MALRD1: variants seen among roughly 807,000 people sequenced by gnomAD.
MALRD1 encodes the protein MAM and LDL-receptor class A domain-containing protein 1.
A neutral mutation model predicts 242.1 loss-of-function variants in MALRD1; 247 were observed. That is an observed-to-expected ratio of 1.02 (90% CI 0.92 to 1.13). The LOEUF is 1.13. MALRD1 is among the 50% of genes most tolerant of loss of function. The pLI, the probability that MALRD1 is intolerant of heterozygous loss-of-function variation, is 0.00. For synonymous variants in MALRD1, 995 were observed against 866.6 expected (o/e 1.15, Z -2.60); for missense variants, 2,989 against 2,533.1 (o/e 1.18, Z -3.86).
intron 38 of MALRD1, among the ~76,000 whole-genome samples, chr10:19,724,355 A>G (rs1191809283): frequency 3.3e-5 from 5 of 152,198 alleles, no homozygotes; most frequent in Non-Finnish European, 7.4e-5. Context: ...AATAGAAAAC[A>G]CTCACTGAAA....
chr10:19,281,780 T>C (rs536131353), intron 20 of MALRD1, among the ~76,000 whole-genome samples: 16 of 152,204 alleles, frequency 1.1e-4, no homozygotes, highest in Middle Eastern at 3.4e-3. Context: ...GAGACCAGCT[T>C]GGCCAACATG....
intron 26 of MALRD1, among the ~76,000 whole-genome samples, chr10:19,386,800 G>T (rs910273536): frequency 2.0e-5 from 3 of 151,560 alleles, no homozygotes; most frequent in African/African-American, 7.3e-5. Context: ...TCTCTTTTGA[G>T]CTAAGGAAAC....
At chr10:19,485,924 T>C (rs1435970228) in intron 29 of MALRD1, among the ~76,000 whole-genome samples, 1 of 152,154 alleles carries the variant, frequency 6.6e-6, no homozygotes, top group East Asian at 1.9e-4. Flanking sequence ...GTTTTCATTA[T>C]ATTTTATAGA....
rs541524851 is a variant in MALRD1, at chr10:19,422,578, A to G, written c.4846-27729A>G. On this transcript the variant is annotated intron_variant, in intron 28 of 39. Transcript: ENST00000454679. Reference sequence around the variant, plus strand: ...CCCCAGAGATACAGATTTAGAGTGAAATTGAACAAATGAGAATTGCATTTT... The same window carrying G: ...CCCCAGAGATACAGATTTAGAGTGAGATTGAACAAATGAGAATTGCATTTT... 9.2e-5 allele frequency among the ~76,000 whole-genome samples: 14 copies of G among 152,304 alleles called. No individual in the cohort carries two copies. In the East Asian group the frequency reaches 1.7e-3, roughly 19 times the overall value.
At chr10:19,637,833 G>T (rs1840205516) in intron 36 of MALRD1, among the ~76,000 whole-genome samples, 1 of 152,050 alleles carries the variant, frequency 6.6e-6, no homozygotes, top group Admixed American at 6.6e-5. Context: ...AGATACGGTG[G>T]TTCATGTCTG....
chr10:19,624,072 T>C (rs1025149966), intron 36 of MALRD1, among the ~76,000 whole-genome samples: 2 of 152,144 alleles, frequency 1.3e-5, no homozygotes, highest in Admixed American at 6.5e-5. Context: ...CTAATGCGAA[T>C]TGGTGTAATT....
chr10:19,377,570 T>C (rs985409016), intron 26 of MALRD1, among the ~76,000 whole-genome samples: 3 of 152,064 alleles, frequency 2.0e-5, no homozygotes, highest in African/African-American at 7.2e-5. Flanking sequence ...GTTGTGAAGA[T>C]TGAATAAGAT....
In MALRD1 at chr10:19,323,936, A is replaced by C; in HGVS notation, c.3420-13A>C. On this transcript the variant is annotated splice_polypyrimidine_tract_variant and intron_variant, in intron 21 of 39. Coordinates refer to ENST00000454679, the MANE Select transcript of MALRD1 (RefSeq NM_001142308.3). ...TCTTATTCCTTTTATAATATGATAA[A>C]TTCCTTTTCCAGAAATACCACTGAT... The C allele has an allele frequency of 6.5e-7, 1 of 1,550,184 alleles. No homozygotes were observed. Among genetic ancestry groups the C allele is most frequent in the Non-Finnish European group, 8.7e-7 (1 of 1,146,544 alleles).
At chr10:19,054,469 T>C (rs181996683) in intron 1 of MALRD1, among the ~76,000 whole-genome samples, 1 of 152,294 alleles carries the variant, frequency 6.6e-6, no homozygotes, top group East Asian at 1.9e-4. Context: ...TACATTAATA[T>C]TGACTGTAGT....
At chr10:19,278,285 A>G (rs1386966509) in intron 19 of MALRD1, among the ~76,000 whole-genome samples, 1 of 152,212 alleles carries the variant, frequency 6.6e-6, no homozygotes, top group African/African-American at 2.4e-5. Context: ...ACCTGGCAAG[A>G]TGAGCTCATC....
chr10:19,544,390 G>A (rs3844355), intron 32 of MALRD1, among the ~76,000 whole-genome samples: 119,979 of 151,768 alleles, frequency 0.79, 47,959 homozygotes, highest in Non-Finnish European at 0.85. Context: ...ATTTCACCGT[G>A]TTGGCCAGGC....
At chr10:19,550,615 A>G (rs1405585894) in intron 32 of MALRD1, among the ~76,000 whole-genome samples, 2 of 152,050 alleles carry the variant, frequency 1.3e-5, no homozygotes, top group African/African-American at 2.4e-5. Context: ...CTGTTCCAGC[A>G]TTAGTTTCCT....
intron 19 of MALRD1, among the ~76,000 whole-genome samples, chr10:19,262,084 G>A (rs113755583): frequency 1.1e-4 from 17 of 151,834 alleles, no homozygotes; most frequent in African/African-American, 2.7e-4. Flanking sequence ...CTTCCAAGTC[G>A]TCTCTCTCAT....
chr10:19,125,356 T>TC (rs1169789266), intron 7 of MALRD1, among the ~76,000 whole-genome samples: 8 of 113,798 alleles, frequency 7.0e-5, no homozygotes, highest in Non-Finnish European at 1.1e-4. Context: ...TTTCTTTCTT[T>TC]CTTTCTTTCT....
chr10:19,480,743 G>A lies in MALRD1; in HGVS notation c.5030-10774G>A, dbSNP rs369389610. 6.6e-5 allele frequency among the ~76,000 whole-genome samples: 10 copies of A among 152,148 alleles called. No individual in the cohort carries two copies. In the East Asian group the frequency reaches 1.4e-3, roughly 21 times the overall value. ...GCATGAGACCATAGTGGTCCTTGTC[G>A]GGTGTACCAGTTCTGAGTTTTTGTT... On this transcript the variant is annotated intron_variant, in intron 29 of 39. Coordinates refer to ENST00000454679, the MANE Select transcript of MALRD1 (RefSeq NM_001142308.3).
intron 34 of MALRD1, among the ~76,000 whole-genome samples, chr10:19,605,292 C>T (rs191984675): frequency 1.3e-5 from 2 of 151,352 alleles, no homozygotes; most frequent in South Asian, 4.2e-4. Context: ...GTAGCTGGCA[C>T]TACAGGCATG....
chr10:19,167,928 A>G (rs1003427667), intron 13 of MALRD1, among the ~76,000 whole-genome samples: 1 of 152,232 alleles, frequency 6.6e-6, no homozygotes, highest in Non-Finnish European at 1.5e-5. Flanking sequence ...TTATACAGTT[A>G]TTGTGAGGAT....
At chr10:19,628,187 G>A (rs1452529686) in intron 36 of MALRD1, among the ~76,000 whole-genome samples, 2 of 152,020 alleles carry the variant, frequency 1.3e-5, no homozygotes, top group African/African-American at 4.8e-5. Flanking sequence ...TATAGCTTGT[G>A]GGACTATAGC....
intron 26 of MALRD1, among the ~76,000 whole-genome samples, chr10:19,370,983 C>CT (rs952566819): frequency 1.9e-3 from 260 of 136,338 alleles, no homozygotes; most frequent in South Asian, 8.5e-3. Flanking sequence ...AAATTTAGGG[C>CT]TTTTTTTTTT....
Sources: allele counts gnomAD v4.1 joint callset (sites outside exome capture counted in the v4.1 genomes callset), GRCh38; gene constraint gnomAD v4.1.1; transcripts MANE v1.5; gene names NCBI Gene and HGNC (gene_info 2026-07-23, HGNC 2026-07-21).